The following NCAPD3 variants were observed in gnomAD, a reference collection of about 807,000 sequenced individuals.
NCAPD3 encodes the protein condensin-2 complex subunit D3.
NCAPD3 carries 105 observed loss-of-function variants against 182.9 expected under a neutral mutation model. That is an observed-to-expected ratio of 0.57 (90% CI 0.49 to 0.68). NCAPD3 has a LOEUF of 0.68. Ranked by LOEUF, NCAPD3 falls within the 30% of genes least tolerant of loss-of-function variation. The pLI is 0.00. For synonymous variants in NCAPD3, 815 were observed against 679.9 expected, an observed-to-expected ratio of 1.20 and a Z score of -3.09; for missense variants, 1,944 against 1,837.0, an observed-to-expected ratio of 1.06 and a Z score of -1.07.
intron 27 of NCAPD3, among the ~76,000 whole-genome samples, chr11:134,164,850 T>C (rs560410298): frequency 2.7e-5 from 4 of 146,972 alleles, no homozygotes; most frequent in African/African-American, 1.0e-4. Flanking sequence ...CACTCACGTG[T>C]GACATGAGCT....
intron 2 of NCAPD3, among the ~76,000 whole-genome samples, chr11:134,219,351 GCA>G (rs878941753): frequency 2.6e-5 from 4 of 152,218 alleles, no homozygotes; most frequent in Admixed American, 1.3e-4. Flanking sequence ...GCGCCCAAAT[GCA>G]CAGTGGCACT....
At chr11:134,224,237 G>T (rs1009764384), upstream of NCAPD3, 11 of 510,878 alleles carry the variant, frequency 2.2e-5, no homozygotes, top group African/African-American at 3.9e-5. Context: ...TTCAATGGGG[G>T]AAAATCTAAA....
intron 24 of NCAPD3, among the ~76,000 whole-genome samples, chr11:134,174,689 C>T (rs1275996843): frequency 6.6e-6 from 1 of 152,016 alleles, no homozygotes; most frequent in African/African-American, 2.4e-5. Context: ...AATATAATAA[C>T]AACAATTTAC....
Position 134,157,024 on chromosome 11 carries a change from G to T in NCAPD3, c.4246C>A (p.Pro1416Thr). 1 of 1,610,862 alleles carries T rather than the reference G, an allele frequency of 6.2e-7. No homozygotes were observed. Among genetic ancestry groups the T allele is most frequent in the Non-Finnish European group, 8.5e-7 (1 of 1,178,024 alleles). Residue 1416 changes from proline (P) to threonine (T), a missense_variant, in exon 32 of 35, where the codon CCC becomes ACC. Pro to Thr is a conservative substitution (Grantham distance 38). This residue lies in a region of NCAPD3 where 1,803 missense variants were observed against 1,674.6 expected (regional missense o/e 1.08). Transcript: ENST00000534548. The part of the protein sequence containing the change: ...EHVTKRAIST[P>T]EKSISDVTFG... ...GTTCCGATCAGTTACTCACTCTCGG[G>T]GGTGCTGATGGCCCGCTTGGTCACG...
In NCAPD3 at chr11:134,220,681, G is replaced by C. The variant is rs1938195951; in HGVS notation, c.110C>G (p.Pro37Arg). The change falls in exon 2 of 35, where the codon CCT (proline) becomes CGT (arginine). Residue 37 changes from proline to arginine, a missense_variant. Coordinates refer to ENST00000534548, the MANE Select transcript of NCAPD3 (RefSeq NM_015261.3). ...VWELDFTETEPLDPSIEAEII... is the reference protein window; with the variant it reads ...VWELDFTETERLDPSIEAEII... ...CTCTGCTTCTATGCTGGGATCCAAA[G>C]GCTCAGTCTCTGTGAAATCCAGTTC... is the stretch of plus-strand genomic sequence containing the variant. 6.2e-7 allele frequency: 1 copy of C among 1,613,940 alleles called. No homozygotes were observed.
intron 27 of NCAPD3, among the ~76,000 whole-genome samples, chr11:134,163,871 CAAAAA>C (rs60340458): frequency 4.9e-4 from 35 of 70,882 alleles, no homozygotes; most frequent in South Asian, 1.3e-3. Flanking sequence ...GATTCTGTCT[CAAAAA>C]AAAAAAAAAA....
intron 3 of NCAPD3, among the ~76,000 whole-genome samples, chr11:134,216,636 A>G (rs556922084): frequency 2.6e-5 from 4 of 152,322 alleles, no homozygotes; most frequent in South Asian, 2.1e-4. Flanking sequence ...AGAAAGGGCA[A>G]TATCAGAATT....
chr11:134,169,880 A>G (rs1309167082), intron 24 of NCAPD3, among the ~76,000 whole-genome samples: 1 of 152,246 alleles, frequency 6.6e-6, no homozygotes, highest in Non-Finnish European at 1.5e-5. Context: ...TGTCAAGACC[A>G]GTGTTTTAAT....
chr11:134,194,886 A>G, intron 13 of NCAPD3, 148 bp from the exon 14 acceptor site: 1 of 521,718 alleles, frequency 1.9e-6, no homozygotes, highest in Non-Finnish European at 3.3e-6. Context: ...TGGAAAAAGA[A>G]GAAAATGTGA....
chr11:134,152,787 G>C lies in NCAPD3; in HGVS notation c.*157C>G. On this transcript the variant is annotated 3_prime_UTR_variant, in exon 35 of 35. Coordinates refer to ENST00000534548, the MANE Select transcript of NCAPD3 (RefSeq NM_015261.3). ...TTAACCAAATACATCATACAGAATA[G>C]AAGGTGAGTGCCAGGCCCCTGAGGA... 1 of 607,386 alleles carries C rather than the reference G, an allele frequency of 1.6e-6. No individual in the cohort carries two copies. The highest frequency in any genetic ancestry group is 2.4e-5 in the South Asian group (1 of 42,092). The allele number at this position is 607,386 out of a possible 1,614,324, so 37.6% of individuals were successfully genotyped here.
chr11:134,209,246 C>A (rs1937735484), intron 5 of NCAPD3, 40 bp from the exon 6 acceptor site: 1 of 1,608,346 alleles, frequency 6.2e-7, no homozygotes, highest in Non-Finnish European at 8.5e-7. Context: ...ATTTTTTCTA[C>A]TGATCAGGTA....
rs1353694247 is a variant in NCAPD3, at chr11:134,168,983, T to C, written c.3173A>G (p.Glu1058Gly). The change falls in exon 25 of 35, where the codon GAA becomes GGA. Residue 1058 changes from glutamate to glycine, a missense_variant. Coordinates refer to ENST00000534548, the MANE Select transcript of NCAPD3 (RefSeq NM_015261.3). The stretch of plus-strand genomic sequence containing the variant: ...ATAGTTATTAAAGTGAAAAATACAT[T>C]CAATGAAGTGTTGGAAGAACATGAC... Reference protein sequence around the residue: ...NPVMFFQHFIECIFHFNNYEK... With the variant: ...NPVMFFQHFIGCIFHFNNYEK... 3 of 1,613,804 alleles carry C rather than the reference T, an allele frequency of 1.9e-6. No homozygotes were observed. The highest frequency in any genetic ancestry group is 1.3e-5 in the African/African-American group (1 of 74,888).
intron 8 of NCAPD3, 116 bp downstream of exon 8, chr11:134,206,483 C>T: frequency 5.7e-6 from 8 of 1,408,220 alleles, no homozygotes; most frequent in Non-Finnish European, 6.9e-6. Context: ...GTTTTCACCC[C>T]CAAAACCACC....
Position 134,158,515 on chromosome 11 carries a change from GTATGTACA to G in NCAPD3, c.3868-28_3868-21del. Reference sequence around the variant, plus strand: ...GGCAACCTGGTAGAGAAGATAAAGAGTATGTACATTCTAATACTTTTTAAGTTTTCAAA... The same window carrying G: ...GGCAACCTGGTAGAGAAGATAAAGAGTTCTAATACTTTTTAAGTTTTCAAA... On this transcript the variant is annotated intron_variant, in intron 29 of 34. Coordinates refer to ENST00000534548, the MANE Select transcript of NCAPD3 (RefSeq NM_015261.3). The G allele has an allele frequency of 6.2e-7, 1 of 1,608,164 alleles. No individual in the cohort carries two copies. The highest frequency in any genetic ancestry group is 1.7e-5 in the Admixed American group (1 of 59,998).
intron 32 of NCAPD3, 175 bp downstream of exon 32, chr11:134,156,843 C>A: frequency 1.8e-6 from 1 of 564,076 alleles, no homozygotes; most frequent in South Asian, 2.6e-5. Flanking sequence ...TCGGTCAGTG[C>A]TCATGGATCA....
In NCAPD3 at chr11:134,176,295, GAA is replaced by G. The variant is rs750526075; in HGVS notation, c.3101+10_3101+11del. 3.1e-6 allele frequency: 5 copies of G among 1,611,038 alleles called. No homozygotes were observed. Among genetic ancestry groups the G allele is most frequent in the Non-Finnish European group, 4.2e-6 (5 of 1,177,192 alleles). ...AAACTGTTGAGTCGTCTGACGTGAG[GAA>G]AAGATTTACCTGGCAATGTCTGGGT... On this transcript the variant is annotated intron_variant, in intron 24 of 34. Coordinates refer to ENST00000534548, the MANE Select transcript of NCAPD3 (RefSeq NM_015261.3).
rs190707696 is a variant in NCAPD3 at position 134,164,608 on chromosome 11, G to A, written c.3574-2717C>T. 2.2e-4 allele frequency among the ~76,000 whole-genome samples: 34 copies of A among 151,818 alleles called. No individual in the cohort carries two copies. In the East Asian group the frequency reaches 5.2e-3, roughly 23 times the overall value. Reference sequence around the variant, plus strand: ...CTTGTGACATGAGCTTAGGGGAGCTGCACACTCACTTGTGACATGAGCTTG... The same window carrying A: ...CTTGTGACATGAGCTTAGGGGAGCTACACACTCACTTGTGACATGAGCTTG... On this transcript the variant is annotated intron_variant, in intron 27 of 34. Coordinates refer to ENST00000534548, the MANE Select transcript of NCAPD3 (RefSeq NM_015261.3).
chr11:134,175,497 G>A (rs1312495255), intron 24 of NCAPD3, among the ~76,000 whole-genome samples: 2 of 152,154 alleles, frequency 1.3e-5, no homozygotes, highest in Non-Finnish European at 2.9e-5. Flanking sequence ...AAAGAAAACT[G>A]AGCAGAAACT....
At chr11:134,210,588 G>C (rs1937796786) in intron 3 of NCAPD3, 134 bp from the exon 4 acceptor site, 1 of 778,898 alleles carries the variant, frequency 1.3e-6, no homozygotes, top group Admixed American at 2.8e-5. Flanking sequence ...TGTAGCAAGA[G>C]TACCATTTGC....
Sources: gnomAD v4.1 joint callset for allele counts (sites outside exome capture counted in the v4.1 genomes callset) on GRCh38, gnomAD v4.1.1 for gene constraint, gnomAD v4.1.1 regional missense constraint, MANE v1.5 for transcripts, NCBI Gene and HGNC (gene_info 2026-07-23, HGNC 2026-07-21) for gene names.